The following GRIA1 variants were observed in gnomAD, a reference collection of about 807,000 sequenced individuals.
GRIA1 encodes glutamate ionotropic receptor AMPA type subunit 1.
A neutral mutation model predicts 99.2 loss-of-function variants in GRIA1; 31 were observed. That is an observed-to-expected ratio of 0.31 (90% CI 0.23 to 0.42). The LOEUF is 0.42. Among genes scored for constraint, GRIA1 ranks in the 10% least tolerant of loss-of-function variants. The pLI is 1.00. For synonymous variants in GRIA1, 438 were observed against 432.4 expected (o/e 1.01, Z -0.16); for missense variants, 782 against 1,157.5 (o/e 0.68, Z 4.71).
chr5:153,761,670 T>C (rs925988462), intron 11 of GRIA1, among the ~76,000 whole-genome samples: 2 of 152,138 alleles, frequency 1.3e-5, no homozygotes, highest in African/African-American at 2.4e-5. Flanking sequence ...ATTGAGTAAA[T>C]ATACAAAGGA....
intron 13 of GRIA1, among the ~76,000 whole-genome samples, chr5:153,786,418 C>A (rs1764967320): frequency 6.6e-6 from 1 of 151,742 alleles, no homozygotes. Flanking sequence ...CTTCCATAAC[C>A]CTTTATTTTA....
intron 2 of GRIA1, among the ~76,000 whole-genome samples, chr5:153,633,804 C>T (rs1204322248): frequency 6.6e-6 from 1 of 152,184 alleles, no homozygotes; most frequent in Non-Finnish European, 1.5e-5. Flanking sequence ...CTGCAGCTTA[C>T]TTGGTCATTT....
In GRIA1 at chr5:153,598,184, T is replaced by C. The variant is rs141663432; in HGVS notation, c.221-48744T>C. Reference sequence around the variant, plus strand: ...ATGTTATTATATATTATGGCAATTATATATATAATCAAATATACTAAGTCT... The same window carrying C: ...ATGTTATTATATATTATGGCAATTACATATATAATCAAATATACTAAGTCT... On this transcript the variant is annotated intron_variant, in intron 2 of 15. Transcript: ENST00000285900. Among the ~76,000 whole-genome samples, 262 of 152,056 alleles carry C rather than the reference T, an allele frequency of 1.7e-3. 1 individual carries two copies. Among genetic ancestry groups the C allele is most frequent in the East Asian group, 0.014 (74 of 5,176 alleles).
chr5:153,674,527 T>C lies in GRIA1; in HGVS notation c.727T>C (p.Phe243Leu). 6.2e-7 allele frequency: 1 copy of C among 1,614,068 alleles called. No individual in the cohort carries two copies. The highest frequency in any genetic ancestry group is 8.5e-7 in the Non-Finnish European group (1 of 1,179,992). Residue 243 changes from phenylalanine to leucine, a missense_variant, in exon 6 of 16, where the codon TTC becomes CTC. This residue lies in a region of GRIA1 where 461 missense variants were observed against 521.7 expected (regional missense o/e 0.88). Transcript: ENST00000285900. The part of the protein sequence containing the change: ...LGFMDIDLNK[F>L]KESGANVTGF... The stretch of plus-strand genomic sequence containing the variant: ...CTTCATGGACATTGACTTAAACAAA[T>C]TCAAGGAGAGTGGCGCCAATGTGAC...
intron 11 of GRIA1, among the ~76,000 whole-genome samples, chr5:153,719,851 A>G (rs1482887182): frequency 4.6e-5 from 7 of 152,214 alleles, no homozygotes; most frequent in Non-Finnish European, 7.3e-5. Context: ...TTGTGGAATC[A>G]TTATGAAGAT....
chr5:153,680,923 A>G lies in GRIA1; in HGVS notation c.1029+3762A>G, dbSNP rs544226166. 2.1e-4 allele frequency among the ~76,000 whole-genome samples: 32 copies of G among 152,360 alleles called. No individual in the cohort carries two copies. In the South Asian group the frequency reaches 6.4e-3, roughly 31 times the overall value. On this transcript the variant is annotated intron_variant, in intron 7 of 15. Coordinates refer to ENST00000285900, the MANE Select transcript of GRIA1 (RefSeq NM_000827.4). ...AACGGGAACACTTAGGAGTGAAAGG[A>G]AAAACTACTATCAATTATTCCAGAA...
chr5:153,658,497 TAA>T (rs2149467845), intron 5 of GRIA1, among the ~76,000 whole-genome samples: 1 of 152,264 alleles, frequency 6.6e-6, no homozygotes, highest in South Asian at 2.1e-4. Flanking sequence ...ACCATCCAAA[TAA>T]AAAAGACTTG....
chr5:153,571,297 T>A (rs1762096882), intron 2 of GRIA1, among the ~76,000 whole-genome samples: 1 of 152,168 alleles, frequency 6.6e-6, no homozygotes. Context: ...ACATGTAGGC[T>A]CACGGGGTAG....
rs1765523921 is a variant in GRIA1 at position 153,794,642 on chromosome 5, G to T, written c.2292G>T (p.Val764=). 1 of 1,612,124 alleles carries T rather than the reference G, an allele frequency of 6.2e-7. No homozygotes were observed. Among genetic ancestry groups the T allele is most frequent in the African/African-American group, 1.3e-5 (1 of 74,874 alleles). ...SALRNPVNLA[V]LKLNEQGLLD... is the part of the protein sequence containing the mutation. ...AAAGAAATCCAGTAAACCTGGCAGT[G>T]TTAAAACTGAACGAGCAGGGGCTTT... Residue 764 remains valine (V), a synonymous_variant, in exon 14 of 16, where the codon GTG becomes GTT. Transcript: ENST00000285900.
intron 14 of GRIA1, among the ~76,000 whole-genome samples, chr5:153,798,851 A>AG (rs547042389): frequency 2.0e-5 from 3 of 152,130 alleles, no homozygotes; most frequent in South Asian, 2.1e-4. Flanking sequence ...GGAGAAATAT[A>AG]GGGGGGGAAA....
At chr5:153,807,930 G>A (rs944792708) in intron 15 of GRIA1, among the ~76,000 whole-genome samples, 2 of 152,148 alleles carry the variant, frequency 1.3e-5, no homozygotes, top group African/African-American at 2.4e-5. Context: ...CTAACATAGG[G>A]CATGTTTAAG....
chr5:153,595,489 G>A (rs1265165590), intron 2 of GRIA1, among the ~76,000 whole-genome samples: 2 of 152,006 alleles, frequency 1.3e-5, no homozygotes, highest in Non-Finnish European at 2.9e-5. Flanking sequence ...GAAGTGATGA[G>A]TTACACTCTA....
In GRIA1 at chr5:153,686,334, G is replaced by A. The variant is rs1757340080; in HGVS notation, c.1134+5G>A. On this transcript the variant is annotated splice_donor_5th_base_variant and intron_variant, in intron 8 of 15. Transcript: ENST00000285900. ...AAACATGACGGCATCCGAAAGGTAA[G>A]GTCCCCCTTTACTTCTGTTCTGCAG... is the stretch of plus-strand genomic sequence containing the variant. 3.1e-6 allele frequency: 5 copies of A among 1,607,536 alleles called. No homozygotes were observed. The South Asian group carries it at 3.3e-5, about 11-fold the overall frequency.
rs921460506 is a variant in GRIA1 at position 153,813,407 on chromosome 5, C to T, written c.*2182C>T. ...GATGCCTCTCCAGCTACTGAGCCCA[C>T]AAGTAACATGAGCGGATAAAAAGAG... is the stretch of plus-strand genomic sequence containing the variant. On this transcript the variant is annotated 3_prime_UTR_variant, in exon 16 of 16. Transcript: ENST00000285900. The T allele has an allele frequency of 3.3e-5, 5 of 152,130 alleles. No individual in the cohort carries two copies. The highest frequency in any genetic ancestry group is 1.2e-4 in the African/African-American group (5 of 41,406). 9.4% of individuals were successfully genotyped at this position (152,130 alleles called of 1,614,324 possible).
rs938238776 is a variant in GRIA1, at chr5:153,704,493, T to C, written c.1453-1204T>C. 2.0e-5 allele frequency among the ~76,000 whole-genome samples: 3 copies of C among 152,210 alleles called. No homozygotes were observed. In the East Asian group the frequency reaches 5.8e-4, roughly 29 times the overall value. On this transcript the variant is annotated intron_variant, in intron 10 of 15. Transcript: ENST00000285900. ...GAACAAGGCATGGTTGGTGATTCCA[T>C]GTGCTGGGTGCCTAAGGATGAATAT...
intron 2 of GRIA1, among the ~76,000 whole-genome samples, chr5:153,608,583 T>A (rs1765659435): frequency 6.6e-6 from 1 of 152,164 alleles, no homozygotes; most frequent in Non-Finnish European, 1.5e-5. Context: ...TTTTGGAAAA[T>A]TTTTCGTGGT....
intron 11 of GRIA1, among the ~76,000 whole-genome samples, chr5:153,712,550 G>A (rs543905585): frequency 6.9e-6 from 1 of 145,630 alleles, no homozygotes; most frequent in South Asian, 2.2e-4. Flanking sequence ...TCCCATCCCA[G>A]CAAGAGCTGT....
intron 13 of GRIA1, among the ~76,000 whole-genome samples, chr5:153,778,190 AGAGTGTGTGTGTGT>A (rs1338748865): frequency 2.1e-5 from 3 of 141,636 alleles, no homozygotes; most frequent in Non-Finnish European, 3.0e-5. Context: ...AGAGAGAGAG[AGAGTGTGTGTGTGT>A]GTGTGTGTGT....
intron 2 of GRIA1, among the ~76,000 whole-genome samples, chr5:153,512,675 AC>A (rs2113321004): frequency 6.6e-6 from 1 of 152,216 alleles, no homozygotes; most frequent in South Asian, 2.1e-4. Context: ...TACCTTGATG[AC>A]CCAGTGCCTG....
Sources: gnomAD v4.1 joint callset for allele counts (sites outside exome capture counted in the v4.1 genomes callset) on GRCh38, gnomAD v4.1.1 for gene constraint, gnomAD v4.1.1 regional missense constraint, MANE v1.5 for transcripts, NCBI Gene and HGNC (gene_info 2026-07-23, HGNC 2026-07-21) for gene names.